Variants in ECEL1 observed in about 807,000 individuals in gnomAD.
The protein encoded by ECEL1 is endothelin converting enzyme like 1, also known as endothelin-converting enzyme-like 1.
ECEL1 carries 87 observed loss-of-function variants against 101.8 expected under a neutral mutation model. That is an observed-to-expected ratio of 0.85 (90% CI 0.72 to 1.02). The LOEUF is 1.02. Among genes scored for constraint, ECEL1 ranks in the 50% least tolerant of loss-of-function variants. The probability of loss-of-function intolerance (pLI) is 0.00; values close to 1 mark genes in which losing one functional copy is unlikely to be tolerated. For missense variants in ECEL1, 1,032 were observed against 1,079.2 expected (o/e 0.96, Z 0.61); for synonymous variants, 487 against 468.7 (o/e 1.04, Z -0.50).
rs1690568686 is a variant in ECEL1, at chr2:232,481,173, A to G, written c.1990-17T>C. 6.4e-7 allele frequency: 1 copy of G among 1,557,948 alleles called. No individual in the cohort carries two copies. The highest frequency in any genetic ancestry group is 1.4e-5 in the African/African-American group (1 of 73,558). ...CCCGTTCACCTGCCGGGAAGGGAAG[A>G]GGCCAGGGGGCTGCTTGGGGCCCAG... is the stretch of plus-strand genomic sequence containing the variant. On this transcript the variant is annotated splice_polypyrimidine_tract_variant and intron_variant, in intron 14 of 17. Transcript: ENST00000304546.
In ECEL1 at chr2:232,486,045, C is replaced by T. The variant is rs1156587306; in HGVS notation, c.609G>A (p.Glu203=). 5 of 1,609,120 alleles carry T rather than the reference C, an allele frequency of 3.1e-6. No individual in the cohort carries two copies. The highest frequency in any genetic ancestry group is 1.1e-5 in the South Asian group (1 of 90,574). ...IERLGPRPML[E]VIEDCGGWDL... ...CCCAGCCCCCGCAGTCCTCGATGAC[C>T]TCTAGCATGGGTCGCGGGCCCAGTC... Residue 203 remains glutamate, a synonymous_variant, in exon 2 of 18, where the codon GAG becomes GAA. Coordinates refer to ENST00000304546, the MANE Select transcript of ECEL1 (RefSeq NM_004826.4).
In ECEL1 at chr2:232,481,508, G is replaced by A. The variant is rs768312431; in HGVS notation, c.1987C>T (p.Arg663Trp). ...LYDNFTVYNQ[R>W]VNGKHTLGEN... ...CAAGGGGCAGGTGGGGGTCTCACCC[G>A]CTGGTTGTAGACAGTGAAGTTGTCA... is the stretch of plus-strand genomic sequence containing the variant. Residue 663 changes from arginine to tryptophan, a missense_variant and splice_region_variant, in exon 14 of 18, where the codon CGG (arginine) becomes TGG (tryptophan). Arg to Trp is a moderately radical substitution (Grantham distance 101). Transcript: ENST00000304546. 7.5e-6 allele frequency: 12 copies of A among 1,607,984 alleles called. No individual in the cohort carries two copies. The highest frequency in any genetic ancestry group is 5.1e-5 in the Admixed American group (3 of 59,370).
In ECEL1 at chr2:232,481,499, G is replaced by T; in HGVS notation, c.1989+7C>A. ...TGAGGGGCACAAGGGGCAGGTGGGGGTCTCACCCGCTGGTTGTAGACAGTG... is the reference window on the plus strand; with the variant it reads ...TGAGGGGCACAAGGGGCAGGTGGGGTTCTCACCCGCTGGTTGTAGACAGTG... On this transcript the variant is annotated splice_region_variant and intron_variant, in intron 14 of 17. Coordinates refer to ENST00000304546, the MANE Select transcript of ECEL1 (RefSeq NM_004826.4). 5.0e-6 allele frequency: 8 copies of T among 1,603,662 alleles called. No homozygotes were observed. The highest frequency in any genetic ancestry group is 6.8e-6 in the Non-Finnish European group (8 of 1,175,456).
In ECEL1 at chr2:232,480,215, G is replaced by A. The variant is rs147861587; in HGVS notation, c.2266C>T (p.Arg756Trp). The change falls in exon 18 of 18, where the codon CGG (arginine) becomes TGG (tryptophan). Residue 756 changes from arginine to tryptophan, a missense_variant. Coordinates refer to ENST00000304546, the MANE Select transcript of ECEL1 (RefSeq NM_004826.4). ...GSVSQFEEFG[R>W]AFHCPKDSPM... Reference sequence around the variant, plus strand: ...GAGTCCTTGGGACAGTGGAAAGCCCGGCCAAACTCCTCAAACTGGGACACA... The same window carrying A: ...GAGTCCTTGGGACAGTGGAAAGCCCAGCCAAACTCCTCAAACTGGGACACA... The A allele has an allele frequency of 4.1e-4, 667 of 1,614,022 alleles. No homozygotes were observed. Among genetic ancestry groups the A allele is most frequent in the Non-Finnish European group, 5.3e-4 (626 of 1,179,984 alleles).
chr2:232,481,781 C>T lies in ECEL1; in HGVS notation c.1864+1G>A, dbSNP rs981157141. On this transcript the variant is annotated splice_donor_variant, in intron 13 of 17. Transcript: ENST00000304546. LOFTEE classifies it high-confidence loss of function. ...TCCCCTGGGGCCCCAACAGGCCTCA[C>T]CCCAGTCGTCGTAGCCGTGGGTCAG... 1 of 1,613,914 alleles carries T rather than the reference C, an allele frequency of 6.2e-7. No individual in the cohort carries two copies. Among genetic ancestry groups the T allele is most frequent in the South Asian group, 1.1e-5 (1 of 91,088 alleles).
chr2:232,480,282 G>A (rs1166842416), intron 17 of ECEL1, 30 bp from the exon 18 acceptor site: 2 of 1,612,286 alleles, frequency 1.2e-6, no homozygotes, highest in African/African-American at 2.7e-5. Flanking sequence ...ACACAGTGTT[G>A]GGCCCTGCAG....
At position 232,485,967 on chromosome 2, in the gene ECEL1, G is replaced by A. The variant is rs925299743; in HGVS notation, c.687C>T (p.Asn229=). 3.1e-6 allele frequency: 5 copies of A among 1,598,088 alleles called. No homozygotes were observed. The Admixed American group carries it at 5.1e-5, about 16-fold the overall frequency. ...CGCCCTGCGCCTTGTACAGCAGCCGGTTGAGGTCCCATCGCGCCGCGACCC... is the reference window on the plus strand; with the variant it reads ...CGCCCTGCGCCTTGTACAGCAGCCGATTGAGGTCCCATCGCGCCGCGACCC... ...RPGVAARWDL[N]RLLYKAQGVY... is the part of the protein sequence containing the mutation. The change falls in exon 2 of 18, where the codon AAC becomes AAT. Residue 229 remains asparagine (N), a synonymous_variant. Transcript: ENST00000304546.
rs777601910 is a variant in ECEL1 at position 232,484,052 on chromosome 2, C to A, written c.1356G>T (p.Ala452=). 3 of 1,612,442 alleles carry A rather than the reference C, an allele frequency of 1.9e-6. No individual in the cohort carries two copies. The highest frequency in any genetic ancestry group is 2.5e-6 in the Non-Finnish European group (3 of 1,178,852). The part of the protein sequence containing the change: ...LGQANRHFGM[A]LGALFVHEHF... ...GCTCATGTACAAAGAGGGCGCCAAG[C>A]GCCATGCCAAAGTGGCGATTGGCCT... Residue 452 remains alanine (A), a synonymous_variant, in exon 7 of 18, where the codon GCG becomes GCT. Coordinates refer to ENST00000304546, the MANE Select transcript of ECEL1 (RefSeq NM_004826.4).
chr2:232,484,193 C>T lies in ECEL1; in HGVS notation c.1215G>A (p.Val405=), dbSNP rs199597829. The part of the protein sequence containing the change: ...RVLHNYLVWR[V]VVVLSEHLSP... Reference sequence around the variant, plus strand: ...ACAGGTGTTCACTCAGGACCACCACCACGCGCCACACCAGGTAGTTGTGCA... The same window carrying T: ...ACAGGTGTTCACTCAGGACCACCACTACGCGCCACACCAGGTAGTTGTGCA... The change falls in exon 7 of 18, where the codon GTG becomes GTA. Residue 405 remains valine, a synonymous_variant. Transcript: ENST00000304546. 2 of 1,612,940 alleles carry T rather than the reference C, an allele frequency of 1.2e-6. No homozygotes were observed. Among genetic ancestry groups the T allele is most frequent in the South Asian group, 1.1e-5 (1 of 91,050 alleles).
intron 14 of ECEL1, 136 bp from the exon 15 acceptor site, chr2:232,481,292 C>T: frequency 7.5e-7 from 1 of 1,334,496 alleles, no homozygotes; most frequent in Non-Finnish European, 1.0e-6. Flanking sequence ...GGGGGGGCTC[C>T]AACCCTACTC....
chr2:232,483,243 C>A, intron 8 of ECEL1, 64 bp from the exon 9 acceptor site: 1 of 1,556,446 alleles, frequency 6.4e-7, no homozygotes, highest in East Asian at 2.4e-5. Context: ...GCCCCCCACC[C>A]TACCCACCAA....
At chr2:232,485,370 G>C (rs1031262082) in intron 2 of ECEL1, 103 bp from the exon 3 acceptor site, 4 of 1,335,278 alleles carry the variant, frequency 3.0e-6, no homozygotes, top group Non-Finnish European at 4.1e-6. Context: ...AGACATCCAT[G>C]AGTACAGCCA....
chr2:232,482,774 G>T, intron 10 of ECEL1, 77 bp downstream of exon 10: 2 of 1,568,244 alleles, frequency 1.3e-6, no homozygotes, highest in South Asian at 1.1e-5. Context: ...GCATGGCTGT[G>T]AGACGATTTG....
intron 5 of ECEL1, 75 bp downstream of exon 5, chr2:232,484,726 G>T: frequency 1.2e-6 from 2 of 1,602,490 alleles, no homozygotes; most frequent in Non-Finnish European, 1.7e-6. Context: ...CATCTCTGGG[G>T]AGAGATGACC....
At chr2:232,481,296 C>T (rs913141519) in intron 14 of ECEL1, 140 bp from the exon 15 acceptor site, 13 of 1,326,866 alleles carry the variant, frequency 9.8e-6, no homozygotes, top group South Asian at 8.4e-5. Context: ...GGGCTCCAAC[C>T]CTACTCTTTC....
chr2:232,484,031 A>C lies in ECEL1; in HGVS notation c.1377T>G (p.His459Gln). Residue 459 changes from histidine to glutamine, a missense_variant, in exon 7 of 18, where the codon CAT becomes CAG. Coordinates refer to ENST00000304546, the MANE Select transcript of ECEL1 (RefSeq NM_004826.4). ...FGMALGALFVHEHFSAASKAK... is the reference protein window; with the variant it reads ...FGMALGALFVQEHFSAASKAK... ...CTTTGCTGGCAGCTGAGAAGTGCTC[A>C]TGTACAAAGAGGGCGCCAAGCGCCA... The C allele has an allele frequency of 1.2e-6, 2 of 1,610,602 alleles. No homozygotes were observed.
In ECEL1 at chr2:232,486,065, C is replaced by T. The variant is rs1356377759; in HGVS notation, c.589G>A (p.Gly197Ser). 29 of 1,605,930 alleles carry T rather than the reference C, an allele frequency of 1.8e-5. No homozygotes were observed. Among genetic ancestry groups the T allele is most frequent in the Non-Finnish European group, 2.5e-5 (29 of 1,177,300 alleles). The change falls in exon 2 of 18, where the codon GGC becomes AGC. Residue 197 changes from glycine to serine, a missense_variant. Coordinates refer to ENST00000304546, the MANE Select transcript of ECEL1 (RefSeq NM_004826.4). Reference protein sequence around the residue: ...CLDMREIERLGPRPMLEVIED... With the variant: ...CLDMREIERLSPRPMLEVIED... ...ATGACCTCTAGCATGGGTCGCGGGC[C>T]CAGTCGCTCGATCTCGCGCATGTCG...
intron 5 of ECEL1, 39 bp downstream of exon 5, chr2:232,484,762 C>T: frequency 2.5e-6 from 4 of 1,612,306 alleles, no homozygotes; most frequent in Non-Finnish European, 2.5e-6. Context: ...CAGCATTGCC[C>T]TCAACCCTGC....
chr2:232,481,556 C>T lies in ECEL1; in HGVS notation c.1939G>A (p.Ala647Thr), dbSNP rs924450163. Reference protein sequence around the residue: ...EASYSRFLRKAECIVRLYDNF... With the variant: ...EASYSRFLRKTECIVRLYDNF... ...TCATAGAGACGGACGATGCACTCAGCCTTTCGCAGGAAGCGGCTGTAGGAG... is the reference window on the plus strand; with the variant it reads ...TCATAGAGACGGACGATGCACTCAGTCTTTCGCAGGAAGCGGCTGTAGGAG... Residue 647 changes from alanine to threonine, a missense_variant, in exon 14 of 18, where the codon GCT becomes ACT. Physicochemically the swap from Ala to Thr is moderately conservative, Grantham distance 58. Coordinates refer to ENST00000304546, the MANE Select transcript of ECEL1 (RefSeq NM_004826.4). 7 of 1,613,808 alleles carry T rather than the reference C, an allele frequency of 4.3e-6. No homozygotes were observed. The highest frequency in any genetic ancestry group is 5.9e-6 in the Non-Finnish European group (7 of 1,179,990).
Sources: allele counts gnomAD v4.1 joint callset, GRCh38; gene constraint gnomAD v4.1.1; transcripts MANE v1.5; gene names NCBI Gene and HGNC (gene_info 2026-07-23, HGNC 2026-07-21).